SLC9A9: variants seen among roughly 807,000 people sequenced by gnomAD.
SLC9A9 encodes the protein solute carrier family 9 member A9.
SLC9A9 carries 62 observed loss-of-function variants against 77.8 expected under a neutral mutation model. The ratio of observed to expected loss-of-function variants is 0.80; its 90% CI spans 0.65 to 0.98. SLC9A9 has a LOEUF of 0.98. Among genes scored for constraint, SLC9A9 ranks in the 50% least tolerant of loss-of-function variants. The pLI, the probability that SLC9A9 is intolerant of heterozygous loss-of-function variation, is 0.00. For missense variants in SLC9A9, 775 were observed against 774.9 expected, an observed-to-expected ratio of 1.00 and a Z score of 0.00; for synonymous variants, 320 against 283.5, an observed-to-expected ratio of 1.13 and a Z score of -1.29.
chr3:143,473,649 G>A (rs1178908088), intron 11 of SLC9A9, among the ~76,000 whole-genome samples: 1 of 152,124 alleles, frequency 6.6e-6, no homozygotes, highest in African/African-American at 2.4e-5. Context: ...GAAACATACT[G>A]CCCATGCCAC....
chr3:143,290,903 TC>T (rs2029925608), intron 14 of SLC9A9, among the ~76,000 whole-genome samples: 1 of 152,192 alleles, frequency 6.6e-6, no homozygotes, highest in African/African-American at 2.4e-5. Context: ...GCCTGACACC[TC>T]TATGTAGGTG....
chr3:143,830,822 A>G (rs886321568), intron 2 of SLC9A9, among the ~76,000 whole-genome samples: 31 of 152,326 alleles, frequency 2.0e-4, no homozygotes, highest in African/African-American at 7.0e-4. Context: ...GAGATAATCC[A>G]AAACAGATAA....
chr3:143,807,635 C>T (rs1363631831), intron 2 of SLC9A9, among the ~76,000 whole-genome samples: 1 of 152,192 alleles, frequency 6.6e-6, no homozygotes, highest in Non-Finnish European at 1.5e-5. Context: ...ATCCCAGCTA[C>T]TTGGGAGGCT....
At chr3:143,491,218 C>A (rs893699244) in intron 11 of SLC9A9, among the ~76,000 whole-genome samples, 1 of 152,100 alleles carries the variant, frequency 6.6e-6, no homozygotes, top group Non-Finnish European at 1.5e-5. Flanking sequence ...GGTATGCTGT[C>A]TTTTTAATGA....
chr3:143,590,097 T>A (rs1050417499), intron 6 of SLC9A9, among the ~76,000 whole-genome samples: 7 of 152,248 alleles, frequency 4.6e-5, no homozygotes, highest in African/African-American at 1.7e-4. Flanking sequence ...CTATATCCCA[T>A]ATCTCCTGGC....
chr3:143,540,862 T>C (rs2036677696), intron 9 of SLC9A9, among the ~76,000 whole-genome samples: 1 of 152,196 alleles, frequency 6.6e-6, no homozygotes, highest in Non-Finnish European at 1.5e-5. Flanking sequence ...CATTATAGTG[T>C]TCAACAATTG....
intron 12 of SLC9A9, among the ~76,000 whole-genome samples, chr3:143,449,751 TTATACAAG>T: frequency 1.4e-5 from 1 of 70,848 alleles, no homozygotes; most frequent in Non-Finnish European, 2.5e-5. Context: ...AAAATAAAAA[TTATACAAG>T]TATATATAAT....
chr3:143,291,304 G>A (rs1251172344), intron 14 of SLC9A9, among the ~76,000 whole-genome samples: 11 of 152,154 alleles, frequency 7.2e-5, no homozygotes, highest in African/African-American at 9.7e-5. Context: ...GTGCTAAGCC[G>A]ATGAGACTTA....
intron 12 of SLC9A9, among the ~76,000 whole-genome samples, chr3:143,427,701 T>C (rs973290482): frequency 2.6e-5 from 4 of 152,224 alleles, no homozygotes; most frequent in African/African-American, 9.6e-5. Context: ...GTTGGTGAAA[T>C]GTGCCTCAGG....
intron 4 of SLC9A9, among the ~76,000 whole-genome samples, chr3:143,725,966 ATT>A (rs1934639846): frequency 6.6e-6 from 1 of 152,118 alleles, no homozygotes; most frequent in African/African-American, 2.4e-5. Flanking sequence ...ATATATTTCT[ATT>A]TTATAAATGA....
chr3:143,774,690 A>T (rs1257361481), intron 4 of SLC9A9, among the ~76,000 whole-genome samples: 3 of 101,910 alleles, frequency 2.9e-5, no homozygotes. Context: ...TTGGAGAATC[A>T]AAAGTTGAAC....
At chr3:143,561,352 G>T (rs535757845) in intron 8 of SLC9A9, among the ~76,000 whole-genome samples, 29 of 152,080 alleles carry the variant, frequency 1.9e-4, no homozygotes, top group African/African-American at 7.0e-4. Context: ...CATTTTATCA[G>T]GACAAAAAGA....
intron 4 of SLC9A9, among the ~76,000 whole-genome samples, chr3:143,771,090 A>C (rs2007500817): frequency 6.6e-6 from 1 of 152,188 alleles, no homozygotes; most frequent in African/African-American, 2.4e-5. Context: ...ATTATTTTCT[A>C]CCTATCCAAA....
chr3:143,364,292 G>A (rs1210355972), intron 13 of SLC9A9, among the ~76,000 whole-genome samples: 1 of 151,914 alleles, frequency 6.6e-6, no homozygotes, highest in East Asian at 1.9e-4. Context: ...AAAATGTAAG[G>A]AGGGTATCCA....
At chr3:143,652,411 T>C (rs753437587) in intron 5 of SLC9A9, 51 bp from the exon 6 acceptor site, 6 of 1,419,804 alleles carry the variant, frequency 4.2e-6, no homozygotes, top group Middle Eastern at 3.5e-4. Context: ...AGGCATGGAG[T>C]TTTCCTTGGC....
At chr3:143,515,613 G>A (rs112684903) in intron 9 of SLC9A9, among the ~76,000 whole-genome samples, 21 of 152,058 alleles carry the variant, frequency 1.4e-4, no homozygotes, top group Non-Finnish European at 2.9e-4. Flanking sequence ...AAATTAATAT[G>A]TCTTGAATGT....
At chr3:143,360,064 G>A (rs2032701846) in intron 14 of SLC9A9, among the ~76,000 whole-genome samples, 1 of 152,128 alleles carries the variant, frequency 6.6e-6, no homozygotes, top group South Asian at 2.1e-4. Flanking sequence ...GAGATATCAT[G>A]GACATAGGAA....
chr3:143,455,760 A>G (rs560466704), intron 12 of SLC9A9, among the ~76,000 whole-genome samples: 79 of 150,116 alleles, frequency 5.3e-4, no homozygotes, highest in African/African-American at 1.4e-3. Flanking sequence ...AGTACTGACC[A>G]TGTATCCTAC....
chr3:143,512,429 C>T (rs1282802051), intron 9 of SLC9A9, among the ~76,000 whole-genome samples: 1 of 152,188 alleles, frequency 6.6e-6, no homozygotes, highest in African/African-American at 2.4e-5. Context: ...AGGCATACTA[C>T]AGGAGATATT....
Sources: allele counts gnomAD v4.1 joint callset (sites outside exome capture counted in the v4.1 genomes callset), GRCh38; gene constraint gnomAD v4.1.1; transcripts MANE v1.5; gene names NCBI Gene and HGNC (gene_info 2026-07-23, HGNC 2026-07-21).